VPS33A: variants seen among roughly 807,000 people sequenced by gnomAD.
VPS33A encodes the protein vacuolar protein sorting-associated protein 33A.
Under a neutral mutation model 71.8 loss-of-function variants are expected in VPS33A, and 32 were observed. That is an observed-to-expected ratio of 0.45 (90% CI 0.34 to 0.60). VPS33A has a LOEUF of 0.60. VPS33A is among the 20% of genes least tolerant of loss of function. VPS33A has a pLI of 0.02. For missense variants in VPS33A, 625 were observed against 748.5 expected (o/e 0.84, Z 1.92); for synonymous variants, 311 against 292.7 (o/e 1.06, Z -0.64).
intron 7 of VPS33A, among the ~76,000 whole-genome samples, chr12:122,242,846 G>A (rs1000785509): frequency 5.3e-5 from 8 of 152,282 alleles, no homozygotes; most frequent in Middle Eastern, 3.4e-3. Context: ...GAGCCACCAC[G>A]CCTGGCCGAT....
intron 10 of VPS33A, among the ~76,000 whole-genome samples, chr12:122,237,221 TAA>T (rs1954640093): frequency 6.6e-6 from 1 of 152,186 alleles, no homozygotes; most frequent in African/African-American, 2.4e-5. Flanking sequence ...TTAATTTAAG[TAA>T]ACCTGCTAAG....
chr12:122,261,048 T>C (rs1263864977), intron 4 of VPS33A, among the ~76,000 whole-genome samples: 1 of 152,242 alleles, frequency 6.6e-6, no homozygotes, highest in Non-Finnish European at 1.5e-5. Context: ...GCAGCTTTTA[T>C]AATCCATAAT....
chr12:122,254,405 CT>C (rs10571356), intron 4 of VPS33A, among the ~76,000 whole-genome samples: 23,445 of 109,874 alleles, frequency 0.21, 2,821 homozygotes, highest in East Asian at 0.54. Flanking sequence ...ACCCCCCCGC[CT>C]TTTTTTTTTT....
intron 5 of VPS33A, among the ~76,000 whole-genome samples, chr12:122,250,782 C>G (rs562098937): frequency 1.1e-4 from 16 of 152,292 alleles, no homozygotes; most frequent in African/African-American, 3.9e-4. Context: ...CAAACTGTCA[C>G]CACTGTGCAC....
intron 7 of VPS33A, among the ~76,000 whole-genome samples, chr12:122,242,945 C>T (rs1197934143): frequency 6.6e-6 from 1 of 152,078 alleles, no homozygotes. Flanking sequence ...TAAATCATTA[C>T]ATTACATAAA....
At position 122,230,965 on chromosome 12, in the gene VPS33A, GA is replaced by G. The variant is rs1954552733; in HGVS notation, c.*1280del. On this transcript the variant is annotated 3_prime_UTR_variant, in exon 13 of 13. Transcript: ENST00000267199. ...GGCTGAGGTCACCAGAGAGGGGGCT[GA>G]AACAGTGTTTTCAGCTGAGTACGGA... 2 of 152,374 alleles carry G rather than the reference GA, an allele frequency of 1.3e-5. No individual in the cohort carries two copies. Among genetic ancestry groups the G allele is most frequent in the East Asian group, 1.9e-4 (1 of 5,190 alleles). 9.4% of individuals were successfully genotyped at this position (152,374 alleles called of 1,614,324 possible).
intron 11 of VPS33A, among the ~76,000 whole-genome samples, chr12:122,234,389 G>A (rs1566036713): frequency 6.6e-6 from 1 of 152,096 alleles, no homozygotes. Flanking sequence ...CCTCCTGGGA[G>A]GCTCCCACCT....
intron 7 of VPS33A, among the ~76,000 whole-genome samples, chr12:122,243,926 T>A (rs982081913): frequency 1.3e-5 from 2 of 152,046 alleles, no homozygotes; most frequent in African/African-American, 4.8e-5. Flanking sequence ...CAAAAAAAAA[T>A]CTAGAACTAC....
intron 4 of VPS33A, among the ~76,000 whole-genome samples, chr12:122,260,000 G>A (rs142057474): frequency 3.6e-4 from 55 of 152,106 alleles, no homozygotes; most frequent in African/African-American, 1.2e-3. Flanking sequence ...GTATTATCAC[G>A]TCACTGCACT....
intron 4 of VPS33A, among the ~76,000 whole-genome samples, chr12:122,251,575 A>T (rs1209186734): frequency 6.6e-6 from 1 of 152,214 alleles, no homozygotes; most frequent in Non-Finnish European, 1.5e-5. Flanking sequence ...GACAACTGAC[A>T]ACTGAAGGCC....
rs1954541515 is a variant in VPS33A, at chr12:122,230,196, C to T, written c.*2050G>A. ...GAGAAACTAATCTTTCAATTATTAT[C>T]TCTGCCACTCTTCATTCTTTCATTA... On this transcript the variant is annotated 3_prime_UTR_variant, in exon 13 of 13. Transcript: ENST00000267199. 1 of 152,210 alleles carries T rather than the reference C, an allele frequency of 6.6e-6. No individual in the cohort carries two copies. The highest frequency in any genetic ancestry group is 6.5e-5 in the Admixed American group (1 of 15,270). The allele number at this position is 152,210 out of a possible 1,614,324, so 9.4% of individuals were successfully genotyped here.
At chr12:122,257,447 A>T in intron 4 of VPS33A, among the ~76,000 whole-genome samples, 1 of 145,868 alleles carries the variant, frequency 6.9e-6, no homozygotes, top group Non-Finnish European at 1.5e-5. Flanking sequence ...AAAAAAAAAA[A>T]AAGGGCCGGG....
At position 122,263,545 on chromosome 12, in the gene VPS33A, T is replaced by C. The variant is rs776585688; in HGVS notation, c.296+27A>G. 4.4e-6 allele frequency: 7 copies of C among 1,573,672 alleles called. No homozygotes were observed. In the Admixed American group the frequency reaches 5.6e-5, roughly 13 times the overall value. ...AAAGCATTATAAGAACCAAACTCTTTTGGATCAAACACAAGCTCTGAGATA... is the reference window on the plus strand; with the variant it reads ...AAAGCATTATAAGAACCAAACTCTTCTGGATCAAACACAAGCTCTGAGATA... On this transcript the variant is annotated intron_variant, in intron 3 of 12. Transcript: ENST00000267199.
At chr12:122,244,470 G>T in intron 7 of VPS33A, 99 bp downstream of exon 7, 1 of 1,071,524 alleles carries the variant, frequency 9.3e-7, no homozygotes, top group Non-Finnish European at 1.3e-6. Flanking sequence ...ATTGAAGCCT[G>T]GTTTAATGGC....
At chr12:122,244,291 C>T (rs1417160017) in intron 7 of VPS33A, among the ~76,000 whole-genome samples, 3 of 152,152 alleles carry the variant, frequency 2.0e-5, no homozygotes, top group South Asian at 2.1e-4. Context: ...TAATTTAAGA[C>T]GATAAAGCAA....
chr12:122,263,235 C>T (rs1354417031), intron 3 of VPS33A, among the ~76,000 whole-genome samples: 1 of 152,098 alleles, frequency 6.6e-6, no homozygotes, highest in Non-Finnish European at 1.5e-5. Flanking sequence ...TCAAGTGATC[C>T]ACCCGCCTTG....
intron 9 of VPS33A, 78 bp from the exon 10 acceptor site, chr12:122,238,802 CACACAA>C (rs2136126159): frequency 9.7e-7 from 1 of 1,027,608 alleles, no homozygotes; most frequent in Non-Finnish European, 1.4e-6. Flanking sequence ...CACACACACA[CACACAA>C]TACATGGTTT....
Position 122,256,242 on chromosome 12 carries a change from A to G in VPS33A, c.483+5019T>C, listed in dbSNP as rs562204319. On this transcript the variant is annotated intron_variant, in intron 4 of 12. Coordinates refer to ENST00000267199, the MANE Select transcript of VPS33A (RefSeq NM_022916.6). ...TTATGTACTATACCAGCGGTTCCCT[A>G]AAGTTCTAGTCTCTACCTTCGAAGT... 6.6e-5 allele frequency among the ~76,000 whole-genome samples: 10 copies of G among 152,198 alleles called. No homozygotes were observed. The South Asian group carries it at 2.1e-3, about 32-fold the overall frequency.
chr12:122,246,916 T>C (rs2136134750), intron 6 of VPS33A, among the ~76,000 whole-genome samples: 1 of 152,326 alleles, frequency 6.6e-6, no homozygotes, highest in Non-Finnish European at 1.5e-5. Context: ...CTGTGGATTT[T>C]AATGTAACGA....
Sources: gnomAD v4.1 joint callset for allele counts (sites outside exome capture counted in the v4.1 genomes callset) on GRCh38, gnomAD v4.1.1 for gene constraint, MANE v1.5 for transcripts, NCBI Gene and HGNC (gene_info 2026-07-23, HGNC 2026-07-21) for gene names.